Variants in SYT14 observed in about 807,000 individuals in gnomAD.
SYT14 encodes the protein synaptotagmin 14.
SYT14 carries 32 observed loss-of-function variants against 74.2 expected under a neutral mutation model. That is an observed-to-expected ratio of 0.43 (90% CI 0.33 to 0.58). The LOEUF (loss-of-function observed/expected upper bound fraction) is 0.58. SYT14 is among the 20% of genes least tolerant of loss of function. The probability of loss-of-function intolerance (pLI) is 0.05; values close to 1 mark genes in which losing one functional copy is unlikely to be tolerated. For synonymous variants in SYT14, 298 were observed against 337.7 expected (o/e 0.88, Z 1.29); for missense variants, 791 against 981.8 (o/e 0.81, Z 2.60).
intron 5 of SYT14, among the ~76,000 whole-genome samples, chr1:210,037,347 T>C (rs778480304): frequency 7.2e-5 from 11 of 152,032 alleles, no homozygotes; most frequent in Non-Finnish European, 1.3e-4. Flanking sequence ...GGTAGCAGCC[T>C]ATCAATTTTG....
intron 7 of SYT14, among the ~76,000 whole-genome samples, chr1:210,140,597 T>C (rs945647881): frequency 1.3e-5 from 2 of 152,160 alleles, no homozygotes; most frequent in African/African-American, 4.8e-5. Flanking sequence ...GATAAAGATT[T>C]ACTACTATGT....
intron 2 of SYT14, among the ~76,000 whole-genome samples, chr1:209,992,078 A>G (rs1572125794): frequency 1.3e-5 from 2 of 152,216 alleles, no homozygotes; most frequent in South Asian, 2.1e-4. Flanking sequence ...ACTATTCACA[A>G]TGGCAAAGAT....
rs530890923 is a variant in SYT14, at chr1:210,151,807, T to C, written c.2035-3914T>C. 2.6e-5 allele frequency among the ~76,000 whole-genome samples: 4 copies of C among 152,324 alleles called. No homozygotes were observed. In the South Asian group the frequency reaches 8.3e-4, roughly 32 times the overall value. On this transcript the variant is annotated intron_variant, in intron 7 of 9. Coordinates refer to ENST00000637265, the Ensembl canonical transcript of SYT14. ...AATGCTCTTGCTTTTTGTTTGGATTTGAAGATAACGATTTTCACAGCAGTG... is the reference window on the plus strand; with the variant it reads ...AATGCTCTTGCTTTTTGTTTGGATTCGAAGATAACGATTTTCACAGCAGTG...
intron 2 of SYT14, 125 bp from the exon 3 acceptor site, chr1:210,013,508 A>T: frequency 2.1e-6 from 2 of 966,908 alleles, no homozygotes; most frequent in East Asian, 5.0e-5. Context: ...ACTGTTTTTA[A>T]ACTATGACAA....
chr1:210,016,056 T>C (rs1479955964), exon 4 of SYT14: 2 of 1,232,054 alleles, frequency 1.6e-6, no homozygotes, highest in Non-Finnish European at 2.0e-6. Context: ...TCCTCTCTAG[T>C]AGACACAATC....
intron 7 of SYT14, among the ~76,000 whole-genome samples, chr1:210,140,617 G>C (rs2082894337): frequency 1.3e-5 from 2 of 151,954 alleles, no homozygotes; most frequent in Non-Finnish European, 1.5e-5. Flanking sequence ...TTTTCTTCTA[G>C]TAGTTTTATG....
intron 2 of SYT14, among the ~76,000 whole-genome samples, chr1:209,971,213 C>T (rs11119376): frequency 0.66 from 100,688 of 151,916 alleles, 34,468 homozygotes; most frequent in East Asian, 0.85. Flanking sequence ...GAAATGCTGC[C>T]GATTTTTGTA....
intron 7 of SYT14, among the ~76,000 whole-genome samples, chr1:210,127,493 A>C (rs1308385344): frequency 6.6e-6 from 1 of 152,164 alleles, no homozygotes; most frequent in Admixed American, 6.5e-5. Context: ...AAGTGCTGGC[A>C]TTTTTAGTCT....
intron 4 of SYT14, among the ~76,000 whole-genome samples, chr1:210,019,163 G>C (rs1572166775): frequency 6.9e-6 from 1 of 144,426 alleles, no homozygotes; most frequent in Non-Finnish European, 1.5e-5. Context: ...AAGGAGAAAG[G>C]GTTTTCTTCT....
intron 7 of SYT14, among the ~76,000 whole-genome samples, chr1:210,146,776 CTACA>C (rs1230839665): frequency 6.6e-6 from 1 of 150,402 alleles, no homozygotes; most frequent in Non-Finnish European, 1.5e-5. Context: ...TACATATATA[CTACA>C]TACATACTAT....
Position 210,065,291 on chromosome 1 carries a change from AT to A in SYT14, c.1313-29028del, listed in dbSNP as rs573090398. On this transcript the variant is annotated intron_variant, in intron 5 of 9. Coordinates refer to ENST00000637265, the Ensembl canonical transcript of SYT14. ...CATGGGAGGAACCCAGTGGGAGGTA[AT>A]TTAATCATGGGGGCGGTTACCTCTC... Among the ~76,000 whole-genome samples, 4 of 152,140 alleles carry A rather than the reference AT, an allele frequency of 2.6e-5. No homozygotes were observed. In the South Asian group the frequency reaches 8.3e-4, roughly 32 times the overall value.
intron 5 of SYT14, among the ~76,000 whole-genome samples, chr1:210,035,447 T>C (rs770204155): frequency 4.6e-5 from 7 of 152,046 alleles, no homozygotes; most frequent in South Asian, 2.1e-4. Flanking sequence ...TTTTTGTTTC[T>C]GTTGTTTTTG....
At chr1:209,952,178 T>C (rs1386763117) in intron 1 of SYT14, among the ~76,000 whole-genome samples, 1 of 152,130 alleles carries the variant, frequency 6.6e-6, no homozygotes, top group African/African-American at 2.4e-5. Context: ...CGAAAGACTC[T>C]TTCCAAAAAA....
intron 5 of SYT14, among the ~76,000 whole-genome samples, chr1:210,065,736 T>G (rs1558164491): frequency 1.3e-5 from 2 of 152,002 alleles, no homozygotes; most frequent in African/African-American, 4.8e-5. Context: ...TAAATTTAAT[T>G]TTATTATTAT....
chr1:210,012,056 T>C (rs1292336297), intron 2 of SYT14, among the ~76,000 whole-genome samples: 1 of 152,196 alleles, frequency 6.6e-6, no homozygotes, highest in Admixed American at 6.5e-5. Flanking sequence ...GAAAATCTAG[T>C]AGCTTATCAT....
chr1:210,117,453 C>T (rs931348726), intron 7 of SYT14, among the ~76,000 whole-genome samples: 19 of 152,176 alleles, frequency 1.2e-4, no homozygotes, highest in African/African-American at 4.6e-4. Flanking sequence ...CTTTGTAAAA[C>T]AATTTGTAAT....
chr1:210,015,049 C>T (rs2080156159), intron 3 of SYT14, among the ~76,000 whole-genome samples: 2 of 147,386 alleles, frequency 1.4e-5, no homozygotes, highest in South Asian at 4.1e-4. Context: ...AAAAACAAGA[C>T]TATTACATGT....
intron 2 of SYT14, among the ~76,000 whole-genome samples, chr1:209,990,527 A>ATATATATATATG (rs1553262320): frequency 1.6e-4 from 2 of 12,818 alleles, no homozygotes; most frequent in African/African-American, 3.1e-4. Flanking sequence ...TATTTCACAT[A>ATATATATATATG]TATATATATA....
At chr1:209,988,803 T>C (rs1350349611) in intron 2 of SYT14, among the ~76,000 whole-genome samples, 3 of 152,220 alleles carry the variant, frequency 2.0e-5, no homozygotes, top group East Asian at 1.9e-4. Context: ...GCAGTTTTTT[T>C]CCCAGCCTCT....
Sources: gnomAD v4.1 joint callset for allele counts (sites outside exome capture counted in the v4.1 genomes callset) on GRCh38, gnomAD v4.1.1 for gene constraint, MANE v1.5 for transcripts, NCBI Gene and HGNC (gene_info 2026-07-23, HGNC 2026-07-21) for gene names.